The following SPAG16 variants were observed in gnomAD, a reference collection of about 807,000 sequenced individuals.
SPAG16 encodes sperm-associated antigen 16 protein.
A neutral mutation model predicts 80.4 loss-of-function variants in SPAG16; 86 were observed. The observed-to-expected ratio is 1.07, with a 90% CI of 0.90 to 1.28. SPAG16 has a LOEUF of 1.28. SPAG16 is among the 50% of genes most tolerant of loss of function. The probability of loss-of-function intolerance (pLI) is 0.00; values close to 1 mark genes in which losing one functional copy is unlikely to be tolerated. For synonymous variants in SPAG16, 294 were observed against 265.9 expected, an observed-to-expected ratio of 1.11 and a Z score of -1.03; for missense variants, 870 against 765.3, an observed-to-expected ratio of 1.14 and a Z score of -1.61.
At position 213,875,878 on chromosome 2, in the gene SPAG16, T is replaced by C. The variant is rs141401682; in HGVS notation, c.1214+13250T>C. The stretch of plus-strand genomic sequence containing the variant: ...TCACGTATTTGATGTCTTTGATTGA[T>C]GCAAAACTCAATAAGACTTACTGTA... On this transcript the variant is annotated intron_variant, in intron 11 of 15. Transcript: ENST00000331683. Among the ~76,000 whole-genome samples the C allele has an allele frequency of 1.4e-4, 21 of 152,262 alleles. No individual in the cohort carries two copies. In the East Asian group the frequency reaches 4.1e-3, roughly 29 times the overall value.
chr2:214,017,365 A>G (rs2047643901), intron 13 of SPAG16, among the ~76,000 whole-genome samples: 1 of 152,184 alleles, frequency 6.6e-6, no homozygotes, highest in South Asian at 2.1e-4. Flanking sequence ...AGTTTGTATA[A>G]AAGTGATTGG....
chr2:213,541,108 T>A (rs1209341847), intron 10 of SPAG16, among the ~76,000 whole-genome samples: 1 of 152,240 alleles, frequency 6.6e-6, no homozygotes. Flanking sequence ...TTTCCTTTTT[T>A]GACACTTCTG....
At chr2:213,798,505 T>A (rs887661980) in intron 10 of SPAG16, among the ~76,000 whole-genome samples, 3 of 152,166 alleles carry the variant, frequency 2.0e-5, no homozygotes, top group African/African-American at 7.2e-5. Flanking sequence ...TCCTCCCACC[T>A]TGGCCTCCCA....
intron 14 of SPAG16, among the ~76,000 whole-genome samples, chr2:214,115,661 G>A (rs995254910): frequency 1.3e-5 from 2 of 152,014 alleles, no homozygotes; most frequent in Admixed American, 6.6e-5. Context: ...GGCAGATCAT[G>A]AGGTCAGGAG....
chr2:213,402,508 G>A (rs2125343580), intron 9 of SPAG16, among the ~76,000 whole-genome samples: 1 of 152,026 alleles, frequency 6.6e-6, no homozygotes, highest in Admixed American at 6.5e-5. Context: ...CATGTGCCAT[G>A]TTGGTGTGCT....
intron 10 of SPAG16, among the ~76,000 whole-genome samples, chr2:213,844,408 T>C (rs1262624095): frequency 2.0e-5 from 3 of 152,202 alleles, no homozygotes; most frequent in African/African-American, 7.2e-5. Context: ...TTCGGTTATC[T>C]AGCAGACTGA....
intron 3 of SPAG16, among the ~76,000 whole-genome samples, chr2:213,306,388 A>G (rs1194992729): frequency 0.013 from 2 of 152 alleles, no homozygotes; most frequent in Non-Finnish European, 0.05. Context: ...TCTCTCCTCA[A>G]GTGGAAGGAA....
At chr2:213,830,832 T>C (rs2073594233) in intron 10 of SPAG16, among the ~76,000 whole-genome samples, 1 of 152,108 alleles carries the variant, frequency 6.6e-6, no homozygotes, top group African/African-American at 2.4e-5. Context: ...TCCTATTTTG[T>C]TGACTGACAA....
intron 12 of SPAG16, among the ~76,000 whole-genome samples, chr2:213,944,005 G>C (rs1188094579): frequency 6.6e-6 from 1 of 152,216 alleles, no homozygotes; most frequent in Non-Finnish European, 1.5e-5. Context: ...TATTCTTCAA[G>C]ACAAGAGAAG....
intron 12 of SPAG16, among the ~76,000 whole-genome samples, chr2:213,956,224 G>C (rs770733078): frequency 1.2e-4 from 19 of 152,004 alleles, no homozygotes; most frequent in Middle Eastern, 3.4e-3. Context: ...CCAAAAGGCT[G>C]TGATTACAGG....
chr2:213,679,334 C>T (rs1195438284), intron 10 of SPAG16, among the ~76,000 whole-genome samples: 1 of 152,054 alleles, frequency 6.6e-6, no homozygotes, highest in African/African-American at 2.4e-5. Flanking sequence ...TTCCAAGAAC[C>T]AGATAATAAT....
chr2:213,699,760 T>C (rs2065324668), intron 10 of SPAG16, among the ~76,000 whole-genome samples: 1 of 152,246 alleles, frequency 6.6e-6, no homozygotes, highest in Non-Finnish European at 1.5e-5. Flanking sequence ...TCTGGGCCAC[T>C]GTGTCCTGAT....
intron 12 of SPAG16, among the ~76,000 whole-genome samples, chr2:213,984,255 A>C (rs1029853662): frequency 9.9e-5 from 15 of 152,150 alleles, no homozygotes; most frequent in Non-Finnish European, 1.3e-4. Flanking sequence ...TTGACATTGC[A>C]TACTGGACTA....
At chr2:214,258,335 T>C (rs574116349) in intron 15 of SPAG16, among the ~76,000 whole-genome samples, 47 of 152,104 alleles carry the variant, frequency 3.1e-4, no homozygotes, top group Non-Finnish European at 5.4e-4. Flanking sequence ...GAACAAATGA[T>C]ATTTGGTTTT....
chr2:213,841,099 T>G (rs969327725), intron 10 of SPAG16, among the ~76,000 whole-genome samples: 12 of 152,142 alleles, frequency 7.9e-5, no homozygotes, highest in Admixed American at 5.9e-4. Flanking sequence ...GGACATTTGT[T>G]GTTATTATAG....
At chr2:214,396,322 T>A (rs1701378997) in intron 15 of SPAG16, among the ~76,000 whole-genome samples, 1 of 152,182 alleles carries the variant, frequency 6.6e-6, no homozygotes, top group Non-Finnish European at 1.5e-5. Flanking sequence ...CATTTATCAC[T>A]CACTATTTTG....
chr2:214,062,058 A>G (rs2050290735), intron 13 of SPAG16, among the ~76,000 whole-genome samples: 1 of 151,808 alleles, frequency 6.6e-6, no homozygotes, highest in Non-Finnish European at 1.5e-5. Context: ...TGCTACAGTG[A>G]TATGTTAAAA....
intron 9 of SPAG16, among the ~76,000 whole-genome samples, chr2:213,477,777 G>T (rs1239379440): frequency 6.6e-6 from 1 of 152,154 alleles, no homozygotes; most frequent in Non-Finnish European, 1.5e-5. Flanking sequence ...AGTTAATGCT[G>T]AAATGAATTA....
At chr2:214,371,658 A>G (rs901146651) in intron 15 of SPAG16, among the ~76,000 whole-genome samples, 14 of 149,568 alleles carry the variant, frequency 9.4e-5, no homozygotes, top group African/African-American at 3.4e-4. Flanking sequence ...AGATTATAAA[A>G]TTATAAATAT....
Sources: allele counts gnomAD v4.1 joint callset (sites outside exome capture counted in the v4.1 genomes callset), GRCh38; gene constraint gnomAD v4.1.1; transcripts MANE v1.5; gene names NCBI Gene and HGNC (gene_info 2026-07-23, HGNC 2026-07-21).